Variants in LMO1 observed in about 807,000 individuals in gnomAD.
The protein encoded by LMO1 is LIM domain only 1, also known as rhombotin-1.
Under a neutral mutation model 18.0 loss-of-function variants are expected in LMO1, and 10 were observed. That is an observed-to-expected ratio of 0.55 (90% CI 0.34 to 0.94). LMO1 has a LOEUF of 0.94. Ranked by LOEUF, LMO1 falls within the 40% of genes least tolerant of loss-of-function variation. The pLI, the probability that LMO1 is intolerant of heterozygous loss-of-function variation, is 0.02. For synonymous variants in LMO1, 77 were observed against 77.9 expected (o/e 0.99, Z 0.06); for missense variants, 183 against 205.7 (o/e 0.89, Z 0.68).
chr11:8,230,609 C>G lies in LMO1; in HGVS notation c.26-105G>C, dbSNP rs574005323. On this transcript the variant is annotated intron_variant, in intron 1 of 3. Coordinates refer to ENST00000335790, the MANE Select transcript of LMO1 (RefSeq NM_002315.3). The stretch of plus-strand genomic sequence containing the variant: ...AGCTCACTGCTTCTCTCTGCTGCCC[C>G]CTCTAGGTTTGGGGCTCCCAGGAGC... 7.0e-5 allele frequency: 86 copies of G among 1,235,948 alleles called. 2 individuals carry two copies. In the South Asian group the frequency reaches 1.0e-3, roughly 14 times the overall value. The allele number at this position is 1,235,948 out of a possible 1,614,324, so 76.6% of individuals were successfully genotyped here.
At chr11:8,255,880 C>T (rs1847087742) in intron 1 of LMO1, among the ~76,000 whole-genome samples, 1 of 121,456 alleles carries the variant, frequency 8.2e-6, no homozygotes, top group Non-Finnish European at 1.6e-5. Context: ...GGCTGGAGTG[C>T]AGTGGCGGGA....
At chr11:8,225,316 G>T (rs1167369052) in intron 3 of LMO1, among the ~76,000 whole-genome samples, 1 of 140,872 alleles carries the variant, frequency 7.1e-6, no homozygotes, top group Non-Finnish European at 1.5e-5. Flanking sequence ...TGAGGCAGAG[G>T]ATTGCTTGAA....
intron 1 of LMO1, among the ~76,000 whole-genome samples, chr11:8,252,242 A>G (rs1195743749): frequency 6.6e-6 from 1 of 152,196 alleles, no homozygotes; most frequent in Non-Finnish European, 1.5e-5. Context: ...AAATGGGGCT[A>G]GTATTTGTCC....
At chr11:8,256,732 G>C (rs917804450) in intron 1 of LMO1, among the ~76,000 whole-genome samples, 1 of 152,202 alleles carries the variant, frequency 6.6e-6, no homozygotes, top group South Asian at 2.1e-4. Flanking sequence ...GCCAACTAAA[G>C]GAGAAAGGGC....
At chr11:8,225,813 GCCAGACCAGCGTT>G (rs1440199936) in intron 3 of LMO1, among the ~76,000 whole-genome samples, 2 of 152,226 alleles carry the variant, frequency 1.3e-5, no homozygotes, top group Non-Finnish European at 2.9e-5. Flanking sequence ...AGAGCCCCCA[GCCAGACCAGCGTT>G]CCCTGTAGGT....
chr11:8,262,928 C>A (rs1338495575), intron 1 of LMO1, among the ~76,000 whole-genome samples: 3 of 152,240 alleles, frequency 2.0e-5, no homozygotes, highest in African/African-American at 7.2e-5. Flanking sequence ...TCTCGGGTTA[C>A]GCGGCGGCTG....
Position 8,249,629 on chromosome 11 carries a change from G to T in LMO1, c.25+13709C>A, listed in dbSNP as rs1327587402. On this transcript the variant is annotated intron_variant, in intron 1 of 3. Transcript: ENST00000335790. ...TGCACATGTGCCCCAAGGATGTGGA[G>T]AAACTGGAACTCCTACCCACGGCCT... Among the ~76,000 whole-genome samples, 3 of 152,290 alleles carry T rather than the reference G, an allele frequency of 2.0e-5. No homozygotes were observed. The East Asian group carries it at 5.8e-4, about 29-fold the overall frequency.
At chr11:8,256,969 G>A (rs902119626) in intron 1 of LMO1, among the ~76,000 whole-genome samples, 51 of 152,214 alleles carry the variant, frequency 3.4e-4, no homozygotes, top group African/African-American at 1.1e-3. Context: ...TAGCAGAGGA[G>A]AAAAGGGTAG....
chr11:8,247,374 G>A (rs1247171940), intron 1 of LMO1, among the ~76,000 whole-genome samples: 1 of 152,202 alleles, frequency 6.6e-6, no homozygotes, highest in African/African-American at 2.4e-5. Context: ...AGGGTAGGAA[G>A]GAAAGCAACG....
At chr11:8,232,298 C>T (rs901802538) in intron 1 of LMO1, among the ~76,000 whole-genome samples, 26 of 152,288 alleles carry the variant, frequency 1.7e-4, no homozygotes, top group Admixed American at 8.5e-4. Flanking sequence ...ACTCTGTCCT[C>T]GGGCCTGCCT....
At chr11:8,263,299 A>AG (rs762212462) in intron 1 of LMO1, 39 bp downstream of exon 1, 63 of 1,580,760 alleles carry the variant, frequency 4.0e-5, no homozygotes, top group Non-Finnish European at 5.0e-5. Flanking sequence ...GCAGGGGGCG[A>AG]GGGGGTGAGG....
At chr11:8,265,767 G>A (rs1351185390), upstream of LMO1, among the ~76,000 whole-genome samples, 3 of 152,124 alleles carry the variant, frequency 2.0e-5, no homozygotes, top group African/African-American at 4.8e-5. Context: ...CACAGGGCCT[G>A]ACAGGCTGGC....
intron 1 of LMO1, 120 bp from the exon 2 acceptor site, chr11:8,230,624 C>A: frequency 1.9e-6 from 2 of 1,032,510 alleles, no homozygotes; most frequent in Middle Eastern, 3.2e-4. Context: ...AGGTTTGGGG[C>A]TCCCAGGAGC....
upstream of LMO1, among the ~76,000 whole-genome samples, chr11:8,264,708 T>C (rs1358289366): frequency 6.6e-6 from 1 of 151,822 alleles, no homozygotes; most frequent in Non-Finnish European, 1.5e-5. Context: ...CTCGGCTCAC[T>C]GCAAGCTCCG....
At chr11:8,261,104 C>A (rs542716631) in intron 1 of LMO1, among the ~76,000 whole-genome samples, 43 of 152,258 alleles carry the variant, frequency 2.8e-4, no homozygotes, top group African/African-American at 9.1e-4. Flanking sequence ...TGAGCAGAAA[C>A]GTCGCTTTTG....
At chr11:8,227,797 G>T (rs1952574646) in intron 2 of LMO1, among the ~76,000 whole-genome samples, 1 of 152,180 alleles carries the variant, frequency 6.6e-6, no homozygotes, top group African/African-American at 2.4e-5. Flanking sequence ...ACCACTGCAT[G>T]ACATGCTTTT....
At chr11:8,235,026 G>A (rs1478966922) in intron 1 of LMO1, among the ~76,000 whole-genome samples, 1 of 152,200 alleles carries the variant, frequency 6.6e-6, no homozygotes, top group African/African-American at 2.4e-5. Flanking sequence ...GGGAGCCACA[G>A]TGGTCTTTCC....
chr11:8,263,825 A>C lies in LMO1; in HGVS notation c.-463T>G. 1 of 1,058,114 alleles carries C rather than the reference A, an allele frequency of 9.5e-7. No homozygotes were observed. The highest frequency in any genetic ancestry group is 1.1e-6 in the Non-Finnish European group (1 of 875,402). 65.5% of individuals were successfully genotyped at this position (1,058,114 alleles called of 1,614,324 possible). On this transcript the variant is annotated 5_prime_UTR_variant, in exon 1 of 4. Transcript: ENST00000335790. ...GAATCTCAATCTAAAATTATATTCA[A>C]AGAGATGGGGGAATCTCGTGGCCGT...
chr11:8,237,343 C>T (rs1447109772), intron 1 of LMO1, among the ~76,000 whole-genome samples: 1 of 152,186 alleles, frequency 6.6e-6, no homozygotes, highest in Non-Finnish European at 1.5e-5. Context: ...TCTAACTCTG[C>T]AGAATCTCTT....
Sources: allele counts gnomAD v4.1 joint callset (sites outside exome capture counted in the v4.1 genomes callset), GRCh38; gene constraint gnomAD v4.1.1; transcripts MANE v1.5; gene names NCBI Gene and HGNC (gene_info 2026-07-23, HGNC 2026-07-21).